Variants in RHPN1 observed in about 807,000 individuals in gnomAD.
RHPN1 encodes the protein rhophilin-1.
A neutral mutation model predicts 74.7 loss-of-function variants in RHPN1; 77 were observed. That is an observed-to-expected ratio of 1.03 (90% confidence interval 0.86 to 1.25). The LOEUF is 1.25. RHPN1 is among the 50% of genes most tolerant of loss of function. RHPN1 has a pLI of 0.00. For synonymous variants in RHPN1, 444 were observed against 414.5 expected (o/e 1.07, Z -0.87); for missense variants, 987 against 932.2 (o/e 1.06, Z -0.77).
Position 143,376,669 on chromosome 8 carries a change from G to A in RHPN1, c.305+16G>A, listed in dbSNP as rs543946870. 32 of 1,555,676 alleles carry A rather than the reference G, an allele frequency of 2.1e-5. No individual in the cohort carries two copies. The highest frequency in any genetic ancestry group is 9.5e-5 in the African/African-American group (7 of 73,358). On this transcript the variant is annotated intron_variant, in intron 3 of 14. Transcript: ENST00000289013. ...GGCATGGGAGGTGCGGGTGGGGGCC[G>A]GGACAGCACGTGCGTGTATGTGTGT...
Position 143,376,576 on chromosome 8 carries a change from C to T in RHPN1, c.228C>T (p.Tyr76=), listed in dbSNP as rs767967676. Residue 76 remains tyrosine (Y), a synonymous_variant, in exon 3 of 15, where the codon TAC becomes TAT. Coordinates refer to ENST00000289013, the MANE Select transcript of RHPN1 (RefSeq NM_052924.3). ...VRETVALELS[Y]VNSNLQLLKE... ...AGACGGTCGCCCTGGAGCTGAGCTACGTCAACTCCAACCTGCAGCTGCTGA... is the reference window on the plus strand; with the variant it reads ...AGACGGTCGCCCTGGAGCTGAGCTATGTCAACTCCAACCTGCAGCTGCTGA... 1.1e-5 allele frequency: 17 copies of T among 1,610,786 alleles called. No individual in the cohort carries two copies. Among genetic ancestry groups the T allele is most frequent in the East Asian group, 4.5e-5 (2 of 44,798 alleles).
chr8:143,375,570 G>T lies in RHPN1; in HGVS notation c.78G>T (p.Thr26=). ...SPRLQGCDSL[T]QIQCGQLQSR... ...CCCTGCAGGGCTGTGACTCCCTGAC[G>T]CAGATCCAGTGCGGCCAGCTGCAGA... Residue 26 remains threonine, a synonymous_variant, in exon 2 of 15, where the codon ACG becomes ACT. Coordinates refer to ENST00000289013, the MANE Select transcript of RHPN1 (RefSeq NM_052924.3). 6.2e-7 allele frequency: 1 copy of T among 1,600,380 alleles called. No homozygotes were observed. The highest frequency in any genetic ancestry group is 8.5e-7 in the Non-Finnish European group (1 of 1,175,480).
chr8:143,375,633 G>C lies in RHPN1; in HGVS notation c.141G>C (p.Glu47Asp). Reference protein sequence around the residue: ...RAQIHQQIDKELQMRTGAENL... With the variant: ...RAQIHQQIDKDLQMRTGAENL... ...AGATTCACCAGCAGATTGACAAGGA[G>C]CTGCAGATGCGGACGGGCGCTGAGA... is the stretch of plus-strand genomic sequence containing the variant. Residue 47 changes from glutamate to aspartate, a missense_variant, in exon 2 of 15, where the codon GAG becomes GAC. By Grantham distance (45) the Glu-to-Asp change is conservative. Coordinates refer to ENST00000289013, the MANE Select transcript of RHPN1 (RefSeq NM_052924.3). 1 of 1,608,766 alleles carries C rather than the reference G, an allele frequency of 6.2e-7. No individual in the cohort carries two copies. The highest frequency in any genetic ancestry group is 8.5e-7 in the Non-Finnish European group (1 of 1,178,204).
intron 1 of RHPN1, among the ~76,000 whole-genome samples, chr8:143,375,022 C>T (rs1359635899): frequency 2.0e-5 from 3 of 152,168 alleles, no homozygotes; most frequent in Non-Finnish European, 2.9e-5. Flanking sequence ...CACCAACCAT[C>T]GGGGGCCAGT....
chr8:143,368,588 ACTT>A, upstream of RHPN1: 1 of 156,328 alleles, frequency 6.4e-6, no homozygotes, highest in African/African-American at 2.4e-5. Flanking sequence ...CGTTTCCCGA[ACTT>A]CTCCCGCACG....
rs1818360317 is a variant in RHPN1 at position 143,377,464 on chromosome 8, T to G, written c.381+9T>G. On this transcript the variant is annotated intron_variant, in intron 4 of 14. Coordinates refer to ENST00000289013, the MANE Select transcript of RHPN1 (RefSeq NM_052924.3). ...GGTCTACACCGCTGAAGGTAGGTAC[T>G]GGCCTCCAAGCTCTGAGATACACGG... 6 of 1,608,040 alleles carry G rather than the reference T, an allele frequency of 3.7e-6. No individual in the cohort carries two copies. The highest frequency in any genetic ancestry group is 5.1e-6 in the Non-Finnish European group (6 of 1,174,922).
Position 143,368,887 on chromosome 8 carries a change from C to A in RHPN1, c.-101C>A. ...GGACCGGCGCGGGCACTCAGGAGCC[C>A]GCGGCCCAGGTGGTGCGGGCGGCCC... On this transcript the variant is annotated 5_prime_UTR_variant, in exon 1 of 15. Coordinates refer to ENST00000289013, the MANE Select transcript of RHPN1 (RefSeq NM_052924.3). 2.3e-6 allele frequency: 2 copies of A among 874,812 alleles called. No homozygotes were observed. The highest frequency in any genetic ancestry group is 4.5e-5 in the Admixed American group (1 of 22,426). 54.2% of individuals were successfully genotyped at this position (874,812 alleles called of 1,614,324 possible).
chr8:143,382,743 C>A lies in RHPN1; in HGVS notation c.*92C>A. On this transcript the variant is annotated 3_prime_UTR_variant, in exon 15 of 15. Coordinates refer to ENST00000289013, the MANE Select transcript of RHPN1 (RefSeq NM_052924.3). Reference sequence around the variant, plus strand: ...CACCCAGAGGACCTCCGGGCAATGCCTGTCCCGCCTCATGCTGGAGGCTGC... The same window carrying A: ...CACCCAGAGGACCTCCGGGCAATGCATGTCCCGCCTCATGCTGGAGGCTGC... The A allele has an allele frequency of 9.1e-7, 1 of 1,102,192 alleles. No individual in the cohort carries two copies. The highest frequency in any genetic ancestry group is 1.3e-6 in the Non-Finnish European group (1 of 774,098). 68.3% of individuals were successfully genotyped at this position (1,102,192 alleles called of 1,614,324 possible).
chr8:143,368,800 C>T (rs1817637041), upstream of RHPN1: 2 of 349,856 alleles, frequency 5.7e-6, no homozygotes, highest in Non-Finnish European at 1.0e-5. Context: ...CAGCTTCGCA[C>T]GCCAGACCCG....
intron 3 of RHPN1, 118 bp downstream of exon 3, chr8:143,376,771 T>C (rs879160887): frequency 1.6e-6 from 2 of 1,214,952 alleles, no homozygotes; most frequent in East Asian, 2.6e-5. Context: ...TGTCTGTGTG[T>C]GTGCGTGTGT....
Position 143,378,803 on chromosome 8 carries a change from C to T in RHPN1, c.567C>T (p.Leu189=), listed in dbSNP as rs778412907. ...GCTTCCTCACCCCTGCCAGGAGCCTCGGGCTCTTCTTCCACTGGTAGGGGC... is the reference window on the plus strand; with the variant it reads ...GCTTCCTCACCCCTGCCAGGAGCCTTGGGCTCTTCTTCCACTGGTAGGGGC... ...DARFLTPARS[L]GLFFHWYDSL... is the part of the protein sequence containing the mutation. Residue 189 remains leucine (L), a synonymous_variant, in exon 6 of 15, where the codon CTC becomes CTT. Coordinates refer to ENST00000289013, the MANE Select transcript of RHPN1 (RefSeq NM_052924.3). The T allele has an allele frequency of 2.9e-5, 46 of 1,564,922 alleles. No individual in the cohort carries two copies. Among genetic ancestry groups the T allele is most frequent in the South Asian group, 1.2e-4 (10 of 85,246 alleles).
chr8:143,382,362 C>G (rs1426422963), intron 14 of RHPN1, 74 bp from the exon 15 acceptor site: 3 of 1,364,130 alleles, frequency 2.2e-6, no homozygotes, highest in African/African-American at 2.9e-5. Context: ...GTGGTTCTCA[C>G]CCCTCCCAGA....
intron 5 of RHPN1, 46 bp from the exon 6 acceptor site, chr8:143,378,650 G>A (rs56407850): frequency 6.3e-7 from 1 of 1,577,236 alleles, no homozygotes; most frequent in African/African-American, 1.3e-5. Flanking sequence ...GTGTGTGTGA[G>A]TGGGGTGGGC....
intron 1 of RHPN1, among the ~76,000 whole-genome samples, chr8:143,372,114 G>A (rs1817864795): frequency 6.6e-6 from 1 of 152,178 alleles, no homozygotes; most frequent in African/African-American, 2.4e-5. Flanking sequence ...AGCTCTCCTG[G>A]GGCCAGGAGG....
At chr8:143,380,023 GC>G (rs750795646) in intron 9 of RHPN1, 38 bp downstream of exon 9, 9 of 1,547,514 alleles carry the variant, frequency 5.8e-6, no homozygotes, top group South Asian at 1.2e-5. Context: ...TACTGCCAAG[GC>G]CCCCCCGCGC....
intron 3 of RHPN1, among the ~76,000 whole-genome samples, chr8:143,377,061 C>T (rs28681329): frequency 3.0e-4 from 33 of 109,340 alleles, no homozygotes; most frequent in East Asian, 5.1e-4. Context: ...TCTGTGTGTG[C>T]GCGTGTGTGT....
In RHPN1 at chr8:143,380,163, C is replaced by G; in HGVS notation, c.1204C>G (p.Arg402Gly). Residue 402 changes from arginine to glycine, a missense_variant, in exon 10 of 15, where the codon CGC (arginine) becomes GGC (glycine). By Grantham distance (125) the Arg-to-Gly change is moderately radical. Coordinates refer to ENST00000289013, the MANE Select transcript of RHPN1 (RefSeq NM_052924.3). ...GPVLPQELEE[R>G]RQLGKAHLKR... Reference sequence around the variant, plus strand: ...TGTGCTGCCGCAGGAGCTGGAGGAGCGCAGGCAGCTTGGTAAGGCGCCCAT... The same window carrying G: ...TGTGCTGCCGCAGGAGCTGGAGGAGGGCAGGCAGCTTGGTAAGGCGCCCAT... 2 of 1,542,438 alleles carry G rather than the reference C, an allele frequency of 1.3e-6. No individual in the cohort carries two copies. The highest frequency in any genetic ancestry group is 1.7e-6 in the Non-Finnish European group (2 of 1,144,602).
At chr8:143,367,867 C>G (rs928061639), upstream of RHPN1, 5 of 152,238 alleles carry the variant, frequency 3.3e-5, no homozygotes, top group Non-Finnish European at 7.3e-5. Context: ...CACACGAAAT[C>G]CGAGCGGGCT....
rs1460621043 is a variant in RHPN1 at position 143,380,770 on chromosome 8, C to T, written c.1398C>T (p.Ala466=). 1 of 1,575,692 alleles carries T rather than the reference C, an allele frequency of 6.3e-7. No individual in the cohort carries two copies. Among genetic ancestry groups the T allele is most frequent in the Non-Finnish European group, 8.6e-7 (1 of 1,158,940 alleles). Reference sequence around the variant, plus strand: ...ATGACTTCTGTGAGGCTGCCGAGGCCCCGGACATCCAGCGTGAGCAGCCAG... The same window carrying T: ...ATGACTTCTGTGAGGCTGCCGAGGCTCCGGACATCCAGCGTGAGCAGCCAG... ...REDDFCEAAE[A]PDIQPKTHQK... Residue 466 remains alanine, a synonymous_variant, in exon 11 of 15, where the codon GCC becomes GCT. Transcript: ENST00000289013.
Sources: gnomAD v4.1 joint callset for allele counts (sites outside exome capture counted in the v4.1 genomes callset) on GRCh38, gnomAD v4.1.1 for gene constraint, MANE v1.5 for transcripts, NCBI Gene and HGNC (gene_info 2026-07-23, HGNC 2026-07-21) for gene names.